SOD2: variants seen among roughly 807,000 people sequenced by gnomAD.
The protein encoded by SOD2 is superoxide dismutase [Mn], mitochondrial.
SOD2 carries 11 observed loss-of-function variants against 27.0 expected under a neutral mutation model. That is an observed-to-expected ratio of 0.41 (90% CI 0.26 to 0.67). SOD2 has a LOEUF of 0.67. SOD2 is among the 30% of genes least tolerant of loss of function. The pLI is 0.34. For missense variants in SOD2, 250 were observed against 274.5 expected (o/e 0.91, Z 0.63); for synonymous variants, 105 against 103.0 (o/e 1.02, Z -0.12).
rs1779611998 is a variant in SOD2, at chr6:159,669,575, G to C, written c.*12918C>G. ...AATCCCAGCACCTTAGGAGGCCAAA[G>C]CAGGAGGACTGCTTTGAGACCCAGA... On this transcript the variant is annotated 3_prime_UTR_variant, in exon 5 of 5. Coordinates refer to ENST00000538183, the MANE Select transcript of SOD2 (RefSeq NM_000636.4). The C allele has an allele frequency of 6.6e-6, 1 of 152,156 alleles. No homozygotes were observed. Among genetic ancestry groups the C allele is most frequent in the Non-Finnish European group, 1.5e-5 (1 of 68,046 alleles). 9.4% of individuals were successfully genotyped at this position (152,156 alleles called of 1,614,324 possible).
At chr6:159,705,699 T>G (rs1048021551) in intron 1 of SOD2, among the ~76,000 whole-genome samples, 26 of 152,202 alleles carry the variant, frequency 1.7e-4, no homozygotes, top group Non-Finnish European at 2.6e-4. Context: ...CTCTGCAGGA[T>G]ATTATCCAGG....
intron 2 of SOD2, chr6:159,692,210 C>T: frequency 2.9e-6 from 1 of 339,988 alleles, no homozygotes; most frequent in Admixed American, 4.9e-5. Context: ...GATGTCTGGC[C>T]ACCAGTGGAC....
chr6:159,684,167 A>G (rs1780080272), intron 4 of SOD2, among the ~76,000 whole-genome samples: 1 of 152,124 alleles, frequency 6.6e-6, no homozygotes, highest in African/African-American at 2.4e-5. Flanking sequence ...TTAACCTCAA[A>G]TGCTCAGCAG....
Position 159,680,336 on chromosome 6 carries a change from C to T in SOD2, c.*2157G>A, listed in dbSNP as rs1193423610. 6.6e-6 allele frequency: 1 copy of T among 152,156 alleles called. No individual in the cohort carries two copies. Among genetic ancestry groups the T allele is most frequent in the Non-Finnish European group, 1.5e-5 (1 of 68,032 alleles). The allele number at this position is 152,156 out of a possible 1,614,324, so 9.4% of individuals were successfully genotyped here. ...TACATGACACATAAAAGCTGTTTCA[C>T]TGTGACACATATATAATGAAAAGTA... On this transcript the variant is annotated 3_prime_UTR_variant, in exon 5 of 5. Transcript: ENST00000538183.
intron 1 of SOD2, among the ~76,000 whole-genome samples, chr6:159,733,514 C>T (rs187780291): frequency 2.0e-5 from 3 of 151,416 alleles, no homozygotes; most frequent in Non-Finnish European, 2.9e-5. Context: ...CCCAGGTACT[C>T]GGGAGGCTGA....
At chr6:159,695,516 C>T (rs866509961), upstream of SOD2, among the ~76,000 whole-genome samples, 4 of 152,174 alleles carry the variant, frequency 2.6e-5, no homozygotes, top group African/African-American at 4.8e-5. Context: ...GAACAGGCTC[C>T]GTTTTCTTTT....
intron 1 of SOD2, among the ~76,000 whole-genome samples, chr6:159,712,632 C>T (rs1197415702): frequency 6.8e-6 from 1 of 147,666 alleles, no homozygotes; most frequent in Non-Finnish European, 1.5e-5. Context: ...TCCATAACCA[C>T]CTCCATAACC....
At chr6:159,688,620 C>T (rs1006340078) in intron 2 of SOD2, among the ~76,000 whole-genome samples, 6 of 152,104 alleles carry the variant, frequency 3.9e-5, no homozygotes, top group African/African-American at 1.4e-4. Flanking sequence ...AGACAGACGA[C>T]GATTCATTGG....
rs1434880296 is a variant in SOD2, at chr6:159,673,527, T to TAAG, written c.*8965_*8966insCTT. On this transcript the variant is annotated 3_prime_UTR_variant, in exon 5 of 5. Transcript: ENST00000538183. ...GTACATAACAAAATGAAGGCAGAAA[T>TAAG]AAAGATGTTCTTTGAAACCAACGAG... is the stretch of plus-strand genomic sequence containing the variant. 1.3e-5 allele frequency: 2 copies of TAAG among 152,004 alleles called. No individual in the cohort carries two copies. The highest frequency in any genetic ancestry group is 2.9e-5 in the Non-Finnish European group (2 of 67,994). The allele number at this position is 152,004 out of a possible 1,614,324, so 9.4% of individuals were successfully genotyped here. A position where few individuals can be genotyped will look rare whatever the true frequency, so the allele number is the denominator to read the frequency against.
At chr6:159,757,480 G>A (rs1418853941) in intron 1 of SOD2, among the ~76,000 whole-genome samples, 2 of 148,060 alleles carry the variant, frequency 1.4e-5, no homozygotes, top group Admixed American at 6.8e-5. Flanking sequence ...TGGCACCATC[G>A]TGGCTCACTG....
intron 1 of SOD2, chr6:159,726,644 A>C (rs1778182392): frequency 1.7e-6 from 1 of 577,368 alleles, no homozygotes. Flanking sequence ...GATTGAGTTC[A>C]CTAAACCTCA....
chr6:159,674,607 A>C lies in SOD2; in HGVS notation c.*7886T>G, dbSNP rs547383662. ...TGATGGGACATATCTCAAAATAATA[A>C]GAGCTATCTATGACAAACCCACAGC... is the stretch of plus-strand genomic sequence containing the variant. On this transcript the variant is annotated 3_prime_UTR_variant, in exon 5 of 5. Coordinates refer to ENST00000538183, the MANE Select transcript of SOD2 (RefSeq NM_000636.4). 6.6e-6 allele frequency: 1 copy of C among 152,224 alleles called. No individual in the cohort carries two copies. The highest frequency in any genetic ancestry group is 2.4e-5 in the African/African-American group (1 of 41,448). The allele number at this position is 152,224 out of a possible 1,614,324, so 9.4% of individuals were successfully genotyped here. A position where few individuals can be genotyped will look rare whatever the true frequency, so the allele number is the denominator to read the frequency against.
upstream of SOD2, among the ~76,000 whole-genome samples, chr6:159,749,713 G>A (rs1186264517): frequency 4.6e-5 from 7 of 152,160 alleles, no homozygotes; most frequent in African/African-American, 1.7e-4. Flanking sequence ...ATAATGTGTT[G>A]GAACTGTGGG....
At position 159,692,458 on chromosome 6, in the gene SOD2, G is replaced by A. The variant is rs544221391; in HGVS notation, c.226+203C>T. The A allele has an allele frequency of 4.9e-6, 7 of 1,418,570 alleles. No individual in the cohort carries two copies. The African/African-American group carries it at 8.7e-5, about 18-fold the overall frequency. The allele number at this position is 1,418,570 out of a possible 1,614,324, so 87.9% of individuals were successfully genotyped here. On this transcript the variant is annotated intron_variant, in intron 2 of 4. Coordinates refer to ENST00000538183, the MANE Select transcript of SOD2 (RefSeq NM_000636.4). Reference sequence around the variant, plus strand: ...CCCCAAGTTCCCTGAGATGACAGAAGTGTGTTCAAACCCATCGAGGCACTC... The same window carrying A: ...CCCCAAGTTCCCTGAGATGACAGAAATGTGTTCAAACCCATCGAGGCACTC...
At chr6:159,745,773 CTT>C (rs869190017), upstream of SOD2, among the ~76,000 whole-genome samples, 5 of 152,254 alleles carry the variant, frequency 3.3e-5, no homozygotes, top group African/African-American at 1.2e-4. Flanking sequence ...AGGAACAGGA[CTT>C]TAAGCAGGAA....
upstream of SOD2, among the ~76,000 whole-genome samples, chr6:159,746,531 A>C (rs1346533184): frequency 6.6e-6 from 1 of 152,146 alleles, no homozygotes; most frequent in Non-Finnish European, 1.5e-5. Context: ...TGATCTTTTA[A>C]TAATAATGCT....
chr6:159,754,116 ATC>A (rs1562468236), intron 1 of SOD2, among the ~76,000 whole-genome samples: 4 of 152,340 alleles, frequency 2.6e-5, no homozygotes, highest in African/African-American at 7.2e-5. Context: ...GTGTAGCTGT[ATC>A]TCTGTTTCTC....
rs1051986524 is a variant in SOD2 at position 159,673,313 on chromosome 6, A to C, written c.*9180T>G. ...GAATATACATTCTTCTCAGCACCACATCGCACCTATTCCAAAATTGACCAC... is the reference window on the plus strand; with the variant it reads ...GAATATACATTCTTCTCAGCACCACCTCGCACCTATTCCAAAATTGACCAC... On this transcript the variant is annotated 3_prime_UTR_variant, in exon 5 of 5. Transcript: ENST00000538183. The C allele has an allele frequency of 4.6e-5, 7 of 152,198 alleles. No individual in the cohort carries two copies. Among genetic ancestry groups the C allele is most frequent in the Admixed American group, 3.3e-4 (5 of 15,274 alleles). 9.4% of individuals were successfully genotyped at this position (152,198 alleles called of 1,614,324 possible).
chr6:159,761,381 C>T (rs985960718), exon 1 of SOD2: 1 of 359,552 alleles, frequency 2.8e-6, no homozygotes, highest in Non-Finnish European at 5.4e-6. Context: ...AAACGTCAAC[C>T]AAAGGAACTT....
Sources: gnomAD v4.1 joint callset for allele counts (sites outside exome capture counted in the v4.1 genomes callset) on GRCh38, gnomAD v4.1.1 for gene constraint, MANE v1.5 for transcripts, NCBI Gene and HGNC (gene_info 2026-07-23, HGNC 2026-07-21) for gene names.